The following DBN1 variants were observed in gnomAD, a reference collection of about 807,000 sequenced individuals.
DBN1 encodes drebrin.
DBN1 carries 21 observed loss-of-function variants against 83.5 expected under a neutral mutation model. The ratio of observed to expected loss-of-function variants is 0.25; its 90% confidence interval spans 0.18 to 0.36. The LOEUF is 0.36. Ranked by LOEUF, DBN1 falls within the 10% of genes least tolerant of loss-of-function variation. The pLI is 1.00. For synonymous variants in DBN1, 381 were observed against 384.9 expected (o/e 0.99, Z 0.12); for missense variants, 874 against 935.7 (o/e 0.93, Z 0.86).
At chr5:177,460,383 G>A in intron 10 of DBN1, 49 bp downstream of exon 10, 1 of 1,611,524 alleles carries the variant, frequency 6.2e-7, no homozygotes, top group South Asian at 1.1e-5. Context: ...GAGGCTCAGG[G>A]CCGCAACCTG....
chr5:177,457,801 C>G (rs1756639498), intron 13 of DBN1, 44 bp from the exon 14 acceptor site: 2 of 1,305,688 alleles, frequency 1.5e-6, no homozygotes, highest in Non-Finnish European at 2.2e-6. Flanking sequence ...CCCAGCAGGA[C>G]TGGGGCTGAC....
chr5:177,469,470 A>C, intron 1 of DBN1, among the ~76,000 whole-genome samples: 1 of 152,174 alleles, frequency 6.6e-6, no homozygotes, highest in East Asian at 1.9e-4. Context: ...ACCCGCCCTC[A>C]GCCTCAATCT....
At chr5:177,468,947 CAAT>C in intron 1 of DBN1, 48 bp from the exon 2 acceptor site, 1 of 1,236,990 alleles carries the variant, frequency 8.1e-7, no homozygotes, top group Non-Finnish European at 1.0e-6. Context: ...CCCAGGCCGC[CAAT>C]TCTGGGTGGG....
intron 8 of DBN1, among the ~76,000 whole-genome samples, chr5:177,461,922 T>C (rs551109641): frequency 6.6e-6 from 1 of 152,328 alleles, no homozygotes; most frequent in South Asian, 2.1e-4. Context: ...TTACCACCAC[T>C]TAAAAACCAG....
At chr5:177,472,996 G>T in intron 1 of DBN1, 1 of 246,720 alleles carries the variant, frequency 4.1e-6, no homozygotes, top group Non-Finnish European at 6.5e-6. Flanking sequence ...AGCCGGGCAG[G>T]CTGCGCTGGC....
At chr5:177,472,600 T>C (rs750416703) in intron 1 of DBN1, among the ~76,000 whole-genome samples, 60 of 152,146 alleles carry the variant, frequency 3.9e-4, no homozygotes, top group South Asian at 1.0e-3. Context: ...GAGTGCCCCT[T>C]GCTGGGGGCC....
rs1581711356 is a variant in DBN1 at position 177,457,392 on chromosome 5, T to G, written c.*41A>C. 1.3e-6 allele frequency: 2 copies of G among 1,566,632 alleles called. No individual in the cohort carries two copies. Among genetic ancestry groups the G allele is most frequent in the East Asian group, 2.2e-5 (1 of 44,680 alleles). ...CCGTCTGGCCAGAGGCTGATGCAGG[T>G]GGGCGGCCTTGGCAAGGGTAGCCTA... On this transcript the variant is annotated 3_prime_UTR_variant, in exon 15 of 15. Transcript: ENST00000393565.
chr5:177,460,608 T>TGGCAGGG, intron 9 of DBN1, 36 bp downstream of exon 9: 1 of 1,614,166 alleles, frequency 6.2e-7, no homozygotes, highest in Non-Finnish European at 8.5e-7. Context: ...GAGATAGCCC[T>TGGCAGGG]GTCTGCCTCA....
intron 8 of DBN1, among the ~76,000 whole-genome samples, chr5:177,463,524 G>C (rs562903763): frequency 6.6e-6 from 1 of 152,320 alleles, no homozygotes; most frequent in South Asian, 2.1e-4. Flanking sequence ...AACACAATTC[G>C]TAACAGGGGA....
rs1757507226 is a variant in DBN1, at chr5:177,467,189, G to C, written c.555+66C>G. ...CATGGGCCATGCCACTGCAGTGAGG[G>C]ACTCAGACCTGCCCCATGGGGTCCA... On this transcript the variant is annotated intron_variant, in intron 6 of 14. Coordinates refer to ENST00000393565, the MANE Select transcript of DBN1 (RefSeq NM_001363541.2). The surrounding 1 kb of genome is among the most constrained non-coding windows in gnomAD (Gnocchi z 9.1). The C allele has an allele frequency of 1.2e-6, 2 of 1,607,186 alleles. No individual in the cohort carries two copies. The highest frequency in any genetic ancestry group is 1.7e-6 in the Non-Finnish European group (2 of 1,174,130).
At chr5:177,462,944 G>T (rs1757153184) in intron 8 of DBN1, among the ~76,000 whole-genome samples, 6 of 152,140 alleles carry the variant, frequency 3.9e-5, no homozygotes, top group Admixed American at 3.9e-4. Context: ...ATGAGCCTGT[G>T]TCCCACCAGC....
rs1018928511 is a variant in DBN1, at chr5:177,456,782, A to G, written c.*651T>C. 2 of 151,732 alleles carry G rather than the reference A, an allele frequency of 1.3e-5. No individual in the cohort carries two copies. Among genetic ancestry groups the G allele is most frequent in the African/African-American group, 4.9e-5 (2 of 41,080 alleles). 9.4% of individuals were successfully genotyped at this position (151,732 alleles called of 1,614,324 possible). On this transcript the variant is annotated 3_prime_UTR_variant, in exon 15 of 15. Transcript: ENST00000393565. ...CCACCAAAGCCCCTGGGCCCCATCC[A>G]TAGCCCTGACCTGAACCGCGCCTAG...
At position 177,467,529 on chromosome 5, in the gene DBN1, A is replaced by G. The variant is rs1239481672; in HGVS notation, c.429T>C (p.Pro143=). ...CTCGCAGCCGCAGTCGGTGCAGCAC[A>G]GGGCTGGAGAGTCGCGCCAGCCCGT... ...LSNGLARLSS[P]VLHRLRLRED... Residue 143 remains proline, a synonymous_variant, in exon 5 of 15, where the codon CCT becomes CCC. Transcript: ENST00000393565. The surrounding 1 kb of genome is among the most constrained non-coding windows in gnomAD (Gnocchi z 9.1). The G allele has an allele frequency of 1.9e-6, 3 of 1,569,422 alleles. No individual in the cohort carries two copies. The highest frequency in any genetic ancestry group is 2.6e-6 in the Non-Finnish European group (3 of 1,157,334).
At chr5:177,472,911 G>C (rs907772856) in intron 1 of DBN1, 16 of 881,312 alleles carry the variant, frequency 1.8e-5, no homozygotes, top group Non-Finnish European at 2.0e-5. Context: ...CCCGGTGGGC[G>C]GGGCGCCCGG....
Position 177,467,682 on chromosome 5 carries a change from C to T in DBN1, c.331-55G>A. The stretch of plus-strand genomic sequence containing the variant: ...GGCACCATCCTCCCGCCATCCCCAC[C>T]CCAGCACGCAGACCCTGGTGGCTGT... On this transcript the variant is annotated intron_variant, in intron 4 of 14. Coordinates refer to ENST00000393565, the MANE Select transcript of DBN1 (RefSeq NM_001363541.2). The surrounding 1 kb of genome is among the most constrained non-coding windows in gnomAD (Gnocchi z 9.1). The T allele has an allele frequency of 6.4e-7, 1 of 1,556,160 alleles. No individual in the cohort carries two copies. Among genetic ancestry groups the T allele is most frequent in the Non-Finnish European group, 8.7e-7 (1 of 1,149,870 alleles).
intron 12 of DBN1, 105 bp downstream of exon 12, chr5:177,458,993 T>C (rs1359882598): frequency 6.6e-7 from 1 of 1,511,480 alleles, no homozygotes; most frequent in African/African-American, 1.4e-5. Flanking sequence ...GCAGTCTTGG[T>C]GATGGGTGGC....
intron 8 of DBN1, among the ~76,000 whole-genome samples, chr5:177,464,660 T>G (rs1757295318): frequency 1.4e-5 from 2 of 147,972 alleles, no homozygotes. Flanking sequence ...AAACTTTATC[T>G]GCTGGGTGCG....
intron 8 of DBN1, chr5:177,462,541 G>T: frequency 2.7e-6 from 1 of 364,684 alleles, no homozygotes; most frequent in Non-Finnish European, 3.8e-6. Flanking sequence ...TCCGCTGTGA[G>T]CAACGCAGGA....
intron 13 of DBN1, 49 bp from the exon 14 acceptor site, chr5:177,457,806 G>A: frequency 2.3e-6 from 3 of 1,302,988 alleles, no homozygotes; most frequent in Non-Finnish European, 3.3e-6. Flanking sequence ...CAGGACTGGG[G>A]CTGACCTATC....
Sources: gnomAD v4.1 joint callset for allele counts (sites outside exome capture counted in the v4.1 genomes callset) on GRCh38, gnomAD v4.1.1 for gene constraint, Gnocchi (gnomAD v3.1) non-coding constraint, MANE v1.5 for transcripts, NCBI Gene and HGNC (gene_info 2026-07-23, HGNC 2026-07-21) for gene names.